Variants in COL25A1 observed in about 807,000 individuals in gnomAD.
COL25A1 encodes collagen type XXV alpha 1 chain.
COL25A1 carries 103 observed loss-of-function variants against 128.4 expected under a neutral mutation model. That is an observed-to-expected ratio of 0.80 (90% CI 0.68 to 0.94). The LOEUF is 0.94. Ranked by LOEUF, COL25A1 falls within the 40% of genes least tolerant of loss-of-function variation. The pLI is 0.00. For missense variants in COL25A1, 745 were observed against 840.0 expected (o/e 0.89, Z 1.40); for synonymous variants, 279 against 277.2 (o/e 1.01, Z -0.06).
At chr4:109,178,688 A>T (rs562680743) in intron 3 of COL25A1, among the ~76,000 whole-genome samples, 1 of 152,084 alleles carries the variant, frequency 6.6e-6, no homozygotes, top group South Asian at 2.1e-4. Context: ...CAAAAAAATT[A>T]GCCAGGTGTG....
At chr4:109,275,743 G>A (rs1409194186) in intron 3 of COL25A1, among the ~76,000 whole-genome samples, 1 of 152,108 alleles carries the variant, frequency 6.6e-6, no homozygotes, top group Non-Finnish European at 1.5e-5. Context: ...CTTAAAACTG[G>A]AGTGCAACAT....
chr4:109,167,190 A>C (rs1190349309), intron 3 of COL25A1, among the ~76,000 whole-genome samples: 1 of 152,142 alleles, frequency 6.6e-6, no homozygotes, highest in African/African-American at 2.4e-5. Context: ...GGTTTAAATA[A>C]TCCTTGAAGT....
At chr4:109,239,542 T>C (rs1470574855) in intron 3 of COL25A1, among the ~76,000 whole-genome samples, 1 of 151,064 alleles carries the variant, frequency 6.6e-6, no homozygotes, top group Non-Finnish European at 1.5e-5. Context: ...AGTAAAAATA[T>C]AGTATAAAAT....
At position 108,873,559 on chromosome 4, in the gene COL25A1, T is replaced by TAGC. The variant is rs1553957387; in HGVS notation, c.1021-4412_1021-4410dup. The stretch of plus-strand genomic sequence containing the variant: ...GTAGTAGTAGTAGTAGTAGTAGTAG[T>TAGC]AGCAGCAGTAGCAGCAGTAGCAGTA... On this transcript the variant is annotated intron_variant, in intron 19 of 37. Coordinates refer to ENST00000399132, the MANE Select transcript of COL25A1 (RefSeq NM_198721.4). Among the ~76,000 whole-genome samples, 485 of 106,294 alleles carry TAGC rather than the reference T, an allele frequency of 4.6e-3. 3 individuals carry two copies. The highest frequency in any genetic ancestry group is 0.014 in the African/African-American group (450 of 33,186). 69.7% of individuals were successfully genotyped at this position (106,294 alleles called of 152,430 possible). A position where few individuals can be genotyped will look rare whatever the true frequency, so the allele number is the denominator to read the frequency against.
chr4:109,251,504 G>T (rs1780643935), intron 3 of COL25A1, among the ~76,000 whole-genome samples: 1 of 152,192 alleles, frequency 6.6e-6, no homozygotes, highest in African/African-American at 2.4e-5. Context: ...TACCTTCGTG[G>T]TAGAATAGCA....
chr4:109,094,701 A>G lies in COL25A1; in HGVS notation c.368-44522T>C, dbSNP rs1308119743. 2.0e-5 allele frequency among the ~76,000 whole-genome samples: 3 copies of G among 152,160 alleles called. No homozygotes were observed. In the East Asian group the frequency reaches 5.8e-4, roughly 29 times the overall value. On this transcript the variant is annotated intron_variant, in intron 3 of 37. Transcript: ENST00000399132. ...TTAAGATACTACATTTTGGCAATAC[A>G]CTTCATTCCACATGTCTGAAAACTT...
intron 6 of COL25A1, among the ~76,000 whole-genome samples, chr4:108,990,565 CT>C (rs1754137711): frequency 6.6e-6 from 1 of 151,940 alleles, no homozygotes; most frequent in African/African-American, 2.4e-5. Context: ...CCCAAAAAAT[CT>C]ATCTACTTTG....
At chr4:108,978,392 T>C (rs946855427) in intron 6 of COL25A1, among the ~76,000 whole-genome samples, 3 of 152,214 alleles carry the variant, frequency 2.0e-5, no homozygotes, top group Non-Finnish European at 4.4e-5. Flanking sequence ...GGGTTAAATT[T>C]GCAGAACAAA....
At chr4:109,126,041 T>C (rs1218284367) in intron 3 of COL25A1, among the ~76,000 whole-genome samples, 1 of 152,210 alleles carries the variant, frequency 6.6e-6, no homozygotes, top group Non-Finnish European at 1.5e-5. Context: ...TCTGTAATTA[T>C]TTCCTATGTG....
intron 3 of COL25A1, among the ~76,000 whole-genome samples, chr4:109,218,064 T>G (rs1778134947): frequency 6.6e-6 from 1 of 152,206 alleles, no homozygotes; most frequent in Non-Finnish European, 1.5e-5. Flanking sequence ...CTATTCTATA[T>G]TCATGTCTTT....
intron 3 of COL25A1, among the ~76,000 whole-genome samples, chr4:109,172,526 G>A (rs1162616466): frequency 6.6e-6 from 1 of 151,860 alleles, no homozygotes; most frequent in East Asian, 1.9e-4. Context: ...TAAGTGTCCT[G>A]CCTGTAGGAC....
At chr4:109,204,983 AGT>A (rs1776863483) in intron 3 of COL25A1, among the ~76,000 whole-genome samples, 1 of 152,180 alleles carries the variant, frequency 6.6e-6, no homozygotes, top group African/African-American at 2.4e-5. Flanking sequence ...TTACTATCTT[AGT>A]GTGTGTGTTA....
At chr4:108,879,592 C>T (rs1432250183) in intron 19 of COL25A1, among the ~76,000 whole-genome samples, 1 of 151,648 alleles carries the variant, frequency 6.6e-6, no homozygotes, top group Non-Finnish European at 1.5e-5. Flanking sequence ...GGACTACAGG[C>T]ATGCGCCACC....
intron 6 of COL25A1, among the ~76,000 whole-genome samples, chr4:109,005,401 G>A (rs1181632752): frequency 6.6e-6 from 1 of 152,148 alleles, no homozygotes; most frequent in East Asian, 1.9e-4. Context: ...GAGATTGAGT[G>A]GGAACACAGA....
In COL25A1 at chr4:109,050,199, T is replaced by A. The variant is rs1319945533; in HGVS notation, c.368-20A>T. ...GAGGGCCTGAAATACAAAGGATAAT[T>A]TTTTTAGTGTAGTTTAATTCTTTTT... is the stretch of plus-strand genomic sequence containing the variant. On this transcript the variant is annotated intron_variant, in intron 3 of 37. Coordinates refer to ENST00000399132, the MANE Select transcript of COL25A1 (RefSeq NM_198721.4). 1 of 1,597,418 alleles carries A rather than the reference T, an allele frequency of 6.3e-7. No individual in the cohort carries two copies. The highest frequency in any genetic ancestry group is 1.7e-5 in the Admixed American group (1 of 59,190).
At chr4:108,942,290 A>G (rs1392760525) in intron 8 of COL25A1, 1 of 1,548,850 alleles carries the variant, frequency 6.5e-7, no homozygotes, top group East Asian at 2.4e-5. Flanking sequence ...GCACAGCACC[A>G]AAACAACACG....
chr4:109,214,631 A>G (rs1253227091), intron 3 of COL25A1, among the ~76,000 whole-genome samples: 1 of 152,090 alleles, frequency 6.6e-6, no homozygotes, highest in Admixed American at 6.6e-5. Context: ...TATAATCTAA[A>G]ACAAGTTACG....
At chr4:108,889,334 A>G in intron 17 of COL25A1, 78 bp from the exon 18 acceptor site, 1 of 1,387,266 alleles carries the variant, frequency 7.2e-7, no homozygotes, top group South Asian at 1.2e-5. Flanking sequence ...GGGCACCATC[A>G]CAGGGATGGC....
At chr4:109,058,295 G>A (rs1761631168) in intron 3 of COL25A1, among the ~76,000 whole-genome samples, 1 of 152,094 alleles carries the variant, frequency 6.6e-6, no homozygotes, top group African/African-American at 2.4e-5. Flanking sequence ...TTCTACTTGT[G>A]GGGAAGGGGG....
Sources: allele counts gnomAD v4.1 joint callset (sites outside exome capture counted in the v4.1 genomes callset), GRCh38; gene constraint gnomAD v4.1.1; transcripts MANE v1.5; gene names NCBI Gene and HGNC (gene_info 2026-07-23, HGNC 2026-07-21).